Variants in SLC14A2 observed in about 807,000 individuals in gnomAD.
SLC14A2 encodes solute carrier family 14 member 2.
In SLC14A2, 91 loss-of-function variants were observed where a neutral mutation model predicts 104.6. That is an observed-to-expected ratio of 0.87 (90% CI 0.73 to 1.04). The LOEUF (loss-of-function observed/expected upper bound fraction) is 1.04. SLC14A2 is among the 50% of genes least tolerant of loss of function. The pLI, the probability that SLC14A2 is intolerant of heterozygous loss-of-function variation, is 0.00. For missense variants in SLC14A2, 1,189 were observed against 1,156.0 expected (o/e 1.03, Z -0.41); for synonymous variants, 476 against 466.4 (o/e 1.02, Z -0.27).
At chr18:45,421,625 G>A (rs970005911) in intron 1 of SLC14A2, among the ~76,000 whole-genome samples, 2 of 152,170 alleles carry the variant, frequency 1.3e-5, no homozygotes, top group African/African-American at 4.8e-5. Flanking sequence ...TGTAATGGCT[G>A]ATCTTTGTAT....
At chr18:45,220,297 G>A (rs909772977) in intron 1 of SLC14A2, among the ~76,000 whole-genome samples, 19 of 152,198 alleles carry the variant, frequency 1.2e-4, no homozygotes, top group Non-Finnish European at 7.3e-5. Context: ...TTGCAGGAGA[G>A]TCTGTCTGAG....
At chr18:45,280,398 A>AT (rs1322568427) in intron 1 of SLC14A2, among the ~76,000 whole-genome samples, 1 of 152,182 alleles carries the variant, frequency 6.6e-6, no homozygotes, top group Non-Finnish European at 1.5e-5. Flanking sequence ...TTAAGGGGCC[A>AT]CAAGCAGGTT....
chr18:45,595,351 C>T (rs2044706499), intron 2 of SLC14A2, among the ~76,000 whole-genome samples: 1 of 151,646 alleles, frequency 6.6e-6, no homozygotes, highest in Non-Finnish European at 1.5e-5. Context: ...CGCAGTATCT[C>T]ATTTCATCAA....
chr18:45,641,957 T>G (rs1055354662), intron 8 of SLC14A2, among the ~76,000 whole-genome samples: 17 of 152,192 alleles, frequency 1.1e-4, no homozygotes, highest in African/African-American at 4.1e-4. Flanking sequence ...TATATAAATA[T>G]ACAAACTCAC....
chr18:45,474,417 T>C (rs2087316623), intron 1 of SLC14A2, among the ~76,000 whole-genome samples: 1 of 152,208 alleles, frequency 6.6e-6, no homozygotes, highest in South Asian at 2.1e-4. Context: ...GGGGTCCCTC[T>C]TTTCCTACTG....
chr18:45,639,929 T>C, intron 7 of SLC14A2, 36 bp downstream of exon 7: 1 of 1,593,068 alleles, frequency 6.3e-7, no homozygotes, highest in Non-Finnish European at 8.6e-7. Context: ...GTCCTCAGGA[T>C]AATTCACTCA....
intron 4 of SLC14A2, among the ~76,000 whole-genome samples, chr18:45,631,398 TA>T (rs2144523831): frequency 6.6e-6 from 1 of 152,236 alleles, no homozygotes; most frequent in African/African-American, 2.4e-5. Context: ...GCAGAGCAAT[TA>T]GAAAGGTCAA....
chr18:45,451,549 G>A (rs1275346205), intron 1 of SLC14A2, among the ~76,000 whole-genome samples: 3 of 152,002 alleles, frequency 2.0e-5, no homozygotes, highest in Non-Finnish European at 1.5e-5. Context: ...TTCATTGTAT[G>A]AAATTTTCTT....
chr18:45,563,446 G>A (rs187798819), intron 2 of SLC14A2, among the ~76,000 whole-genome samples: 11 of 152,288 alleles, frequency 7.2e-5, no homozygotes, highest in East Asian at 3.9e-4. Flanking sequence ...AATTACATTC[G>A]AAAGTATAAT....
chr18:45,607,339 T>C (rs1055080082), intron 2 of SLC14A2, among the ~76,000 whole-genome samples: 8 of 152,208 alleles, frequency 5.3e-5, no homozygotes, highest in African/African-American at 1.9e-4. Context: ...TTACATGGTC[T>C]GTCATCCCAT....
chr18:45,265,654 C>T (rs930154971), intron 1 of SLC14A2, among the ~76,000 whole-genome samples: 1 of 152,130 alleles, frequency 6.6e-6, no homozygotes, highest in Non-Finnish European at 1.5e-5. Context: ...ATAACCTGGA[C>T]ATTTAAAAAC....
At chr18:45,192,796 A>G in the SLC14A2 span, among the ~76,000 whole-genome samples, 1 of 152,064 alleles carries the variant, frequency 6.6e-6, no homozygotes, top group Non-Finnish European at 1.5e-5. Flanking sequence ...AGCTGGGACT[A>G]TAGGCATGTG....
At chr18:45,549,654 T>C (rs1353860345) in intron 2 of SLC14A2, among the ~76,000 whole-genome samples, 1 of 152,218 alleles carries the variant, frequency 6.6e-6, no homozygotes, top group Non-Finnish European at 1.5e-5. Flanking sequence ...CAAGTTGCCT[T>C]GGGAGACCAA....
chr18:45,240,783 G>A (rs907756498), intron 1 of SLC14A2, among the ~76,000 whole-genome samples: 4 of 151,702 alleles, frequency 2.6e-5, no homozygotes, highest in Non-Finnish European at 2.9e-5. Context: ...TCAGCCTGCC[G>A]AGTAGCTGAG....
chr18:45,482,122 T>C (rs1349593200), intron 1 of SLC14A2, among the ~76,000 whole-genome samples: 1 of 152,176 alleles, frequency 6.6e-6, no homozygotes, highest in Non-Finnish European at 1.5e-5. Context: ...AAAAAATGCA[T>C]ACCCATTGAA....
At chr18:45,645,632 A>ATATATATATATATAT (rs1568312070) in intron 10 of SLC14A2, among the ~76,000 whole-genome samples, 2 of 7,114 alleles carry the variant, frequency 2.8e-4, no homozygotes, top group Non-Finnish European at 4.9e-4. Flanking sequence ...TACATATACA[A>ATATATATATATATAT]AGATATATAT....
At chr18:45,660,640 C>T (rs1370682029) in intron 10 of SLC14A2, among the ~76,000 whole-genome samples, 1 of 152,206 alleles carries the variant, frequency 6.6e-6, no homozygotes, top group East Asian at 1.9e-4. Context: ...ATTGAGGAAA[C>T]TGTCAGTGGG....
chr18:45,322,530 G>T (rs924478444), intron 1 of SLC14A2, among the ~76,000 whole-genome samples: 2 of 152,164 alleles, frequency 1.3e-5, no homozygotes, highest in Admixed American at 1.3e-4. Flanking sequence ...TTTGATAAAT[G>T]TTACACATTT....
At chr18:45,475,656 TATATATATATATATATATATATATATATA>T (rs2087358008) in intron 1 of SLC14A2, among the ~76,000 whole-genome samples, 2 of 65,734 alleles carry the variant, frequency 3.0e-5, no homozygotes, top group African/African-American at 7.9e-5. Context: ...TATATATATA[TATATATATATATATATATATATATATATA>T]TATGATAGTT....
Sources: gnomAD v4.1 joint callset for allele counts (sites outside exome capture counted in the v4.1 genomes callset) on GRCh38, gnomAD v4.1.1 for gene constraint, MANE v1.5 for transcripts, NCBI Gene and HGNC (gene_info 2026-07-23, HGNC 2026-07-21) for gene names.